The following OR51F1 variants were observed in gnomAD, a reference collection of about 807,000 sequenced individuals.
OR51F1 encodes the protein olfactory receptor family 51 subfamily F member 1.
For missense variants in OR51F1, 438 were observed against 385.4 expected, an observed-to-expected ratio of 1.14 and a Z score of -1.14; for synonymous variants, 142 against 143.5, an observed-to-expected ratio of 0.99 and a Z score of 0.08.
rs1251593304 is a variant in OR51F1 at position 4,769,285 on chromosome 11, T to C, written c.654A>G (p.Ile218Met). The change falls in exon 1 of 1, where the codon ATA (isoleucine) becomes ATG (methionine). Residue 218 changes from isoleucine to methionine, a missense_variant. Coordinates refer to ENST00000624103, the MANE Select transcript of OR51F1 (RefSeq NM_001004752.2). ...GLIDLILTTG[I>M]DTPCIVLSYI... ...ATGACAGGACAATGCATGGTGTATC[T>C]ATTCCAGTGGTCAGGATGAGATCAA... The C allele has an allele frequency of 6.8e-6, 11 of 1,613,758 alleles. No homozygotes were observed. The highest frequency in any genetic ancestry group is 9.3e-6 in the Non-Finnish European group (11 of 1,179,638).
Position 4,769,363 on chromosome 11 carries a change from A to T in OR51F1, c.576T>A (p.Asp192Glu), listed in dbSNP as rs767533061. 1.2e-5 allele frequency: 19 copies of T among 1,613,912 alleles called. 1 individual carries two copies. The East Asian group carries it at 3.8e-4, about 32-fold the overall frequency. The change falls in exon 1 of 1, where the codon GAT becomes GAA. Residue 192 changes from aspartate (D) to glutamate (E), a missense_variant. Asp to Glu is a conservative substitution (Grantham distance 45, BLOSUM62 2). Coordinates refer to ENST00000624103, the MANE Select transcript of OR51F1 (RefSeq NM_001004752.2). ...ALSHSYCYHPDVIQLACSDIR... is the reference protein window; with the variant it reads ...ALSHSYCYHPEVIQLACSDIR... ...TGTCTGAACATGCTAATTGAATCAC[A>T]TCTGGATGGTAACAATAGGAGTGAG...
At position 4,769,116 on chromosome 11, in the gene OR51F1, G is replaced by A. The variant is rs145204134; in HGVS notation, c.823C>T (p.Arg275Trp). 299 of 1,605,002 alleles carry A rather than the reference G, an allele frequency of 1.9e-4. No homozygotes were observed. Among genetic ancestry groups the A allele is most frequent in the Middle Eastern group, 1.0e-3 (6 of 6,016 alleles). The part of the protein sequence containing the change: ...LSLSLVYRYG[R>W]SAPRVVHSVM... ...GAATGGACTACTCTGGGGGCTGACC[G>A]ACCATAGCGATACACCAAGGACAGG... The change falls in exon 1 of 1, where the codon CGG becomes TGG. Residue 275 changes from arginine (R) to tryptophan (W), a missense_variant. By Grantham distance (101) the Arg-to-Trp change is moderately radical. Coordinates refer to ENST00000624103, the MANE Select transcript of OR51F1 (RefSeq NM_001004752.2).
chr11:4,769,608 A>T lies in OR51F1; in HGVS notation c.331T>A (p.Phe111Ile), dbSNP rs1160354159. The T allele has an allele frequency of 1.2e-6, 2 of 1,612,870 alleles. No homozygotes were observed. The highest frequency in any genetic ancestry group is 1.1e-5 in the South Asian group (1 of 91,074). ...ATAAAAGTGAATCCATGAAGAAAAA[A>T]CATCTGGACAATGCAGCTATATAGA... ...ISLYSCIVQMFFLHGFTFMES... is the reference protein window; with the variant it reads ...ISLYSCIVQMIFLHGFTFMES... The change falls in exon 1 of 1, where the codon TTT (phenylalanine) becomes ATT (isoleucine). Residue 111 changes from phenylalanine to isoleucine, a missense_variant. Physicochemically the swap from Phe to Ile is conservative, Grantham distance 21. Transcript: ENST00000624103.
rs1196370631 is a variant in OR51F1, at chr11:4,769,147, C to T, written c.792G>A (p.Met264Ile). The T allele has an allele frequency of 5.0e-6, 8 of 1,612,912 alleles. No homozygotes were observed. The Admixed American group carries it at 5.0e-5, about 10-fold the overall frequency. The stretch of plus-strand genomic sequence containing the variant: ...AGCGATACACCAAGGACAGGCTCAG[C>T]ATGTGGATGTAGAAGAAAGCAACTG... ...VGAVAFFYIH[M>I]LSLSLVYRYG... The change falls in exon 1 of 1, where the codon ATG becomes ATA. Residue 264 changes from methionine to isoleucine, a missense_variant. Met to Ile is a conservative substitution (Grantham distance 10). Transcript: ENST00000624103.
Position 4,769,459 on chromosome 11 carries a change from A to G in OR51F1, c.480T>C (p.Arg160=). Residue 160 remains arginine, a synonymous_variant, in exon 1 of 1, where the codon CGT becomes CGC. Transcript: ENST00000624103. Reference sequence around the variant, plus strand: ...GTAGTGGCAATATTAGTACTATAGCACGTGTAATCATCAGAAGACCCATTT... The same window carrying G: ...GTAGTGGCAATATTAGTACTATAGCGCGTGTAATCATCAGAAGACCCATTT... The part of the protein sequence containing the change: ...IIQMGLLMIT[R]AIVLILPLLL... The G allele has an allele frequency of 6.2e-7, 1 of 1,613,062 alleles. No individual in the cohort carries two copies. The highest frequency in any genetic ancestry group is 8.5e-7 in the Non-Finnish European group (1 of 1,179,026).
rs757489222 is a variant in OR51F1, at chr11:4,769,703, T to A, written c.236A>T (p.Asp79Val). 4 of 1,613,136 alleles carry A rather than the reference T, an allele frequency of 2.5e-6. No homozygotes were observed. In the East Asian group the frequency reaches 8.9e-5, roughly 36 times the overall value. ...CAATGAAGAAACAGTCAAGCCCAGA[T>A]CAGTGGCTGATAGCCTGAAGAGGAA... ...YYFLFRLSATDLGLTVSSLST... is the reference protein window; with the variant it reads ...YYFLFRLSATVLGLTVSSLST... The change falls in exon 1 of 1, where the codon GAT becomes GTT. Residue 79 changes from aspartate to valine, a missense_variant. By Grantham distance (152) the Asp-to-Val change is radical (BLOSUM62 -3). Transcript: ENST00000624103.
chr11:4,769,036 G>C lies in OR51F1; in HGVS notation c.903C>G (p.Asp301Glu). The change falls in exon 1 of 1, where the codon GAC (aspartate) becomes GAG (glutamate). Residue 301 changes from aspartate (D) to glutamate (E), a missense_variant. Asp to Glu is a conservative substitution (Grantham distance 45). Coordinates refer to ENST00000624103, the MANE Select transcript of OR51F1 (RefSeq NM_001004752.2). ...TGCGGATTTGTTTTGTTTTTACACT[G>C]TCGATGATGGGGTTGAGCACAGGGG... ...LLPPVLNPIIDSVKTKQIRKA... is the reference protein window; with the variant it reads ...LLPPVLNPIIESVKTKQIRKA... 3 of 1,536,838 alleles carry C rather than the reference G, an allele frequency of 2.0e-6. No homozygotes were observed. Among genetic ancestry groups the C allele is most frequent in the Non-Finnish European group, 2.6e-6 (3 of 1,142,370 alleles).
rs762191739 is a variant in OR51F1, at chr11:4,769,919, G to A, written c.20C>T (p.Thr7Ile). 2 of 1,556,898 alleles carry A rather than the reference G, an allele frequency of 1.3e-6. No individual in the cohort carries two copies. The highest frequency in any genetic ancestry group is 1.8e-6 in the Non-Finnish European group (2 of 1,128,388). MLQNQD[T>I]MEILSNSTSK... ...TGTTGAGTTGCTTAGGATTTCCATG[G>A]TGTCCTGGTTTTGCAGCATTTGTCC... is the stretch of plus-strand genomic sequence containing the variant. Residue 7 changes from threonine to isoleucine, a missense_variant, in exon 1 of 1, where the codon ACC becomes ATC. Coordinates refer to ENST00000624103, the MANE Select transcript of OR51F1 (RefSeq NM_001004752.2).
chr11:4,769,602 GA>G lies in OR51F1; in HGVS notation c.336del (p.Leu113PhefsTer27), dbSNP rs779483926. 3.7e-6 allele frequency: 6 copies of G among 1,613,134 alleles called. No homozygotes were observed. In the South Asian group the frequency reaches 4.4e-5, roughly 12 times the overall value. On this transcript the variant is annotated frameshift_variant, in exon 1 of 1. Coordinates refer to ENST00000624103, the MANE Select transcript of OR51F1 (RefSeq NM_001004752.2). LOFTEE classifies it low-confidence loss of function (END_TRUNC). ...GATTCCATAAAAGTGAATCCATGAA[GA>G]AAAAACATCTGGACAATGCAGCTAT... ...SLYSCIVQMF[F>X]LHGFTFMESG...
Position 4,769,818 on chromosome 11 carries a change from A to C in OR51F1, c.121T>G (p.Cys41Gly), listed in dbSNP as rs772938781. ...GAGAGGGCAATGGCATAAAAACAAC[A>C]GAAAGGAATGGAGATCCAGACATGG... The part of the protein sequence containing the change: ...SAHVWISIPF[C>G]CFYAIALSGN... The change falls in exon 1 of 1, where the codon TGT becomes GGT. Residue 41 changes from cysteine to glycine, a missense_variant. Physicochemically the swap from Cys to Gly is radical, Grantham distance 159. Transcript: ENST00000624103. 15 of 1,613,118 alleles carry C rather than the reference A, an allele frequency of 9.3e-6. No individual in the cohort carries two copies.
At position 4,769,449 on chromosome 11, in the gene OR51F1, G is replaced by A. The variant is rs1415764817; in HGVS notation, c.490C>T (p.Leu164=). The A allele has an allele frequency of 2.5e-6, 4 of 1,611,482 alleles. No individual in the cohort carries two copies. Among genetic ancestry groups the A allele is most frequent in the Non-Finnish European group, 3.4e-6 (4 of 1,177,614 alleles). Residue 164 remains leucine (L), a synonymous_variant, in exon 1 of 1, where the codon CTA becomes TTA. Transcript: ENST00000624103. ...AGGAGCAAAAGTAGTGGCAATATTA[G>A]TACTATAGCACGTGTAATCATCAGA... ...GLLMITRAIV[L]ILPLLLLLKP...
In OR51F1 at chr11:4,769,176, C is replaced by A; in HGVS notation, c.763G>T (p.Gly255Ter). The stretch of plus-strand genomic sequence containing the variant: ...TGGATGTAGAAGAAAGCAACTGCTC[C>A]CACATGGGAGACACAGGTGCTGAAG... The part of the protein sequence containing the change: ...KVFSTCVSHV[G>*]AVAFFYIHML... Residue 255 changes from glycine to a stop codon, truncating the protein, a stop_gained, in exon 1 of 1, where the codon GGA (glycine) becomes TGA (stop). Coordinates refer to ENST00000624103, the MANE Select transcript of OR51F1 (RefSeq NM_001004752.2). LOFTEE classifies it low-confidence loss of function (END_TRUNC). 6.2e-7 allele frequency: 1 copy of A among 1,614,108 alleles called. No individual in the cohort carries two copies.
rs147471185 is a variant in OR51F1, at chr11:4,768,984, T to C, written c.955A>G (p.Lys319Glu). 278 of 1,497,096 alleles carry C rather than the reference T, an allele frequency of 1.9e-4. 1 individual carries two copies. In the African/African-American group the frequency reaches 3.5e-3, roughly 19 times the overall value. 92.7% of individuals were successfully genotyped at this position (1,497,096 alleles called of 1,614,324 possible). ...TCAAATAAAACTATGTCTGTTCATTTTGTAAGCAGCAGACTGAGCATAGCC... is the reference window on the plus strand; with the variant it reads ...TCAAATAAAACTATGTCTGTTCATTCTGTAAGCAGCAGACTGAGCATAGCC... ...RKAMLSLLLT[K>E] Residue 319 changes from lysine to glutamate, a missense_variant, in exon 1 of 1, where the codon AAA (lysine) becomes GAA (glutamate). Coordinates refer to ENST00000624103, the MANE Select transcript of OR51F1 (RefSeq NM_001004752.2).
chr11:4,769,489 G>A lies in OR51F1; in HGVS notation c.450C>T (p.Ile150=). 2 of 1,613,776 alleles carry A rather than the reference G, an allele frequency of 1.2e-6. No individual in the cohort carries two copies. The highest frequency in any genetic ancestry group is 1.1e-5 in the South Asian group (1 of 91,054). Residue 150 remains isoleucine, a synonymous_variant, in exon 1 of 1, where the codon ATC becomes ATT. Transcript: ENST00000624103. Reference sequence around the variant, plus strand: ...TAATCATCAGAAGACCCATTTGAATGATTCTGGAATTAGTGAGAATGGTAG... The same window carrying A: ...TAATCATCAGAAGACCCATTTGAATAATTCTGGAATTAGTGAGAATGGTAG... ...RYTTILTNSR[I]IQMGLLMITR... is the part of the protein sequence containing the mutation.
At position 4,769,099 on chromosome 11, in the gene OR51F1, T is replaced by C. The variant is rs1848671507; in HGVS notation, c.840A>G (p.Val280=). ...ATACATTAGCCATCACTGAATGGAC[T>C]ACTCTGGGGGCTGACCGACCATAGC... ...VYRYGRSAPR[V]VHSVMANVYL... is the part of the protein sequence containing the mutation. The change falls in exon 1 of 1, where the codon GTA becomes GTG. Residue 280 remains valine (V), a synonymous_variant. Coordinates refer to ENST00000624103, the MANE Select transcript of OR51F1 (RefSeq NM_001004752.2). 1 of 1,594,042 alleles carries C rather than the reference T, an allele frequency of 6.3e-7. No individual in the cohort carries two copies. Among genetic ancestry groups the C allele is most frequent in the South Asian group, 1.1e-5 (1 of 86,978 alleles).
Position 4,769,142 on chromosome 11 carries a change from C to A in OR51F1, c.797G>T (p.Ser266Ile). ...AVAFFYIHMLSLSLVYRYGRS... is the reference protein window; with the variant it reads ...AVAFFYIHMLILSLVYRYGRS... ...ACCATAGCGATACACCAAGGACAGGCTCAGCATGTGGATGTAGAAGAAAGC... is the reference window on the plus strand; with the variant it reads ...ACCATAGCGATACACCAAGGACAGGATCAGCATGTGGATGTAGAAGAAAGC... Residue 266 changes from serine (S) to isoleucine (I), a missense_variant, in exon 1 of 1, where the codon AGC becomes ATC. Ser to Ile is a moderately radical substitution (Grantham distance 142). Transcript: ENST00000624103. 1.2e-6 allele frequency: 2 copies of A among 1,612,490 alleles called. No individual in the cohort carries two copies. The highest frequency in any genetic ancestry group is 1.7e-6 in the Non-Finnish European group (2 of 1,179,132).
chr11:4,769,278 G>A lies in OR51F1; in HGVS notation c.661C>T (p.Pro221Ser), dbSNP rs142987564. ...AAGATATATGACAGGACAATGCATG[G>A]TGTATCTATTCCAGTGGTCAGGATG... is the stretch of plus-strand genomic sequence containing the variant. ...DLILTTGIDT[P>S]CIVLSYILII... Residue 221 changes from proline to serine, a missense_variant, in exon 1 of 1, where the codon CCA becomes TCA. Physicochemically the swap from Pro to Ser is moderately conservative, Grantham distance 74. Coordinates refer to ENST00000624103, the MANE Select transcript of OR51F1 (RefSeq NM_001004752.2). The A allele has an allele frequency of 2.0e-5, 32 of 1,613,490 alleles. No homozygotes were observed. The African/African-American group carries it at 3.6e-4, about 18-fold the overall frequency.
rs1238953643 is a variant in OR51F1 at position 4,769,505 on chromosome 11, A to G, written c.434T>C (p.Leu145Pro). Reference protein sequence around the residue: ...ICDPLRYTTILTNSRIIQMGL... With the variant: ...ICDPLRYTTIPTNSRIIQMGL... ...CATTTGAATGATTCTGGAATTAGTGAGAATGGTAGTGTACCTCAGAGGGTC... is the reference window on the plus strand; with the variant it reads ...CATTTGAATGATTCTGGAATTAGTGGGAATGGTAGTGTACCTCAGAGGGTC... The change falls in exon 1 of 1, where the codon CTC (leucine) becomes CCC (proline). Residue 145 changes from leucine to proline, a missense_variant. Coordinates refer to ENST00000624103, the MANE Select transcript of OR51F1 (RefSeq NM_001004752.2). 1 of 1,613,952 alleles carries G rather than the reference A, an allele frequency of 6.2e-7. No homozygotes were observed. The highest frequency in any genetic ancestry group is 8.5e-7 in the Non-Finnish European group (1 of 1,179,844).
chr11:4,769,235 A>G lies in OR51F1; in HGVS notation c.704T>C (p.Leu235Pro), dbSNP rs777695708. 1.2e-6 allele frequency: 2 copies of G among 1,613,814 alleles called. No individual in the cohort carries two copies. The highest frequency in any genetic ancestry group is 8.5e-7 in the Non-Finnish European group (1 of 1,179,666). Reference sequence around the variant, plus strand: ...CCATTCTTCAGGGGAGGCAATTCTGAGGACAGAGTGAATAATTAAGATATA... The same window carrying G: ...CCATTCTTCAGGGGAGGCAATTCTGGGGACAGAGTGAATAATTAAGATATA... ...LSYILIIHSV[L>P]RIASPEEWHK... Residue 235 changes from leucine (L) to proline (P), a missense_variant, in exon 1 of 1, where the codon CTC (leucine) becomes CCC (proline). Transcript: ENST00000624103.
Sources: gnomAD v4.1 joint callset for allele counts on GRCh38, gnomAD v4.1.1 for gene constraint, MANE v1.5 for transcripts, NCBI Gene and HGNC (gene_info 2026-07-23, HGNC 2026-07-21) for gene names.